Variants in COQ4 observed in about 807,000 individuals in gnomAD.
COQ4 encodes the protein coenzyme Q4, also known as ubiquinone biosynthesis protein COQ4 homolog, mitochondrial.
A neutral mutation model predicts 30.2 loss-of-function variants in COQ4; 36 were observed. That is an observed-to-expected ratio of 1.19 (90% CI 0.91 to 1.57). The LOEUF (loss-of-function observed/expected upper bound fraction) is 1.57. Ranked by LOEUF, COQ4 falls within the 40% of genes most tolerant of loss-of-function variation. The probability of loss-of-function intolerance (pLI) is 0.00; values close to 1 mark genes in which losing one functional copy is unlikely to be tolerated. For missense variants in COQ4, 369 were observed against 371.9 expected, an observed-to-expected ratio of 0.99 and a Z score of 0.07; for synonymous variants, 197 against 161.0, an observed-to-expected ratio of 1.22 and a Z score of -1.69.
intron 4 of COQ4, chr9:128,326,215 A>C (rs751325458): frequency 5.9e-6 from 3 of 506,580 alleles, no homozygotes; most frequent in Non-Finnish European, 1.0e-5. Flanking sequence ...CAGAGCAGTG[A>C]AGCAAACTTG....
rs1244528921 is a variant in COQ4 at position 128,325,778 on chromosome 9, G to A, written c.300-1G>A. 7.4e-6 allele frequency: 12 copies of A among 1,613,604 alleles called. No individual in the cohort carries two copies. The highest frequency in any genetic ancestry group is 1.0e-5 in the Non-Finnish European group (12 of 1,179,708). On this transcript the variant is annotated splice_acceptor_variant, in intron 3 of 6. Transcript: ENST00000300452. LOFTEE classifies it high-confidence loss of function. The stretch of plus-strand genomic sequence containing the variant: ...CCCAATGCCCAAGTCTTGCCTTTCA[G>A]GGAGCGTCCCCGGATTTCGACATCC...
intron 4 of COQ4, among the ~76,000 whole-genome samples, chr9:128,328,660 G>A (rs1564392267): frequency 1.3e-5 from 2 of 152,204 alleles, no homozygotes; most frequent in Non-Finnish European, 1.5e-5. Flanking sequence ...CCGAGACGAT[G>A]TTCTGTTCCT....
At chr9:128,331,002 GA>G (rs1392035614) in intron 4 of COQ4, 2 of 151,774 alleles carry the variant, frequency 1.3e-5, no homozygotes, top group Admixed American at 6.6e-5. Flanking sequence ...CACGCCCGGA[GA>G]ATTTTTTGTA....
At chr9:128,328,381 G>A (rs914248159) in intron 4 of COQ4, among the ~76,000 whole-genome samples, 8 of 152,348 alleles carry the variant, frequency 5.3e-5, no homozygotes, top group South Asian at 2.1e-4. Flanking sequence ...GCCAAATGGC[G>A]AGCCAGTCTG....
Position 128,325,820 on chromosome 9 carries a change from A to AGCTCCAGAGCCTGCCGGAAG in COQ4, c.347_366dup (p.Leu123ArgfsTer18). ...TCGACATCCACCCTCGACCTGGGCA[A>AGCTCCAGAGCCTGCCGGAAG]GCTCCAGAGCCTGCCGGAAGGCTCC... On this transcript the variant is annotated frameshift_variant, in exon 4 of 7. Coordinates refer to ENST00000300452, the MANE Select transcript of COQ4 (RefSeq NM_016035.5). LOFTEE classifies it high-confidence loss of function. 6.2e-7 allele frequency: 1 copy of AGCTCCAGAGCCTGCCGGAAG among 1,614,182 alleles called. No individual in the cohort carries two copies. The highest frequency in any genetic ancestry group is 8.5e-7 in the Non-Finnish European group (1 of 1,180,030).
chr9:128,324,393 G>T (rs1832281431), intron 2 of COQ4, among the ~76,000 whole-genome samples: 1 of 152,132 alleles, frequency 6.6e-6, no homozygotes, highest in East Asian at 1.9e-4. Flanking sequence ...CCAGTGTTGA[G>T]ATTACAGGTG....
chr9:128,327,039 T>C (rs1011182851), intron 4 of COQ4, among the ~76,000 whole-genome samples: 1 of 152,152 alleles, frequency 6.6e-6, no homozygotes, highest in African/African-American at 2.4e-5. Context: ...TGAGCCACCG[T>C]GCCCAGCCCA....
intron 6 of COQ4, 61 bp from the exon 7 acceptor site, chr9:128,333,413 G>A (rs1390162818): frequency 1.4e-5 from 20 of 1,401,306 alleles, no homozygotes; most frequent in Middle Eastern, 3.9e-4. Flanking sequence ...CACAAGTGCC[G>A]AGCAGTCGAG....
intron 4 of COQ4, among the ~76,000 whole-genome samples, chr9:128,328,070 A>G (rs1832350623): frequency 6.6e-6 from 1 of 152,238 alleles, no homozygotes; most frequent in Non-Finnish European, 1.5e-5. Flanking sequence ...GGGAATGGCA[A>G]GGGCAAAGGC....
chr9:128,322,938 G>A lies in COQ4; in HGVS notation c.70+10G>A, dbSNP rs766897693. The A allele has an allele frequency of 2.5e-6, 4 of 1,602,474 alleles. No individual in the cohort carries two copies. Among genetic ancestry groups the A allele is most frequent in the Middle Eastern group, 3.3e-4 (2 of 6,002 alleles). ...CAGCGGCCTGCGGCAGGCAAGTGGC[G>A]CCGGGTTCTGGGCGCAGGCGGGAAG... On this transcript the variant is annotated intron_variant, in intron 1 of 6. Coordinates refer to ENST00000300452, the MANE Select transcript of COQ4 (RefSeq NM_016035.5).
Position 128,332,745 on chromosome 9 carries a change from C to T in COQ4, c.533-105C>T, listed in dbSNP as rs148801745. On this transcript the variant is annotated intron_variant, in intron 5 of 6. Coordinates refer to ENST00000300452, the MANE Select transcript of COQ4 (RefSeq NM_016035.5). ...GGCCAGGACTGGGCACAGCTGACCC[C>T]GTAGAGATTAGGGAGGAACAGTGCC... The T allele has an allele frequency of 1.4e-3, 1,242 of 906,278 alleles. 3 individuals carry two copies. The highest frequency in any genetic ancestry group is 1.9e-3 in the Non-Finnish European group (1,038 of 541,134). The allele number at this position is 906,278 out of a possible 1,614,324, so 56.1% of individuals were successfully genotyped here.
chr9:128,329,108 T>G (rs1239925959), intron 4 of COQ4, among the ~76,000 whole-genome samples: 1 of 152,166 alleles, frequency 6.6e-6, no homozygotes, highest in African/African-American at 2.4e-5. Context: ...GGCTTGAGAA[T>G]TAGGAGGAGC....
At chr9:128,331,958 A>G in intron 4 of COQ4, 195 bp from the exon 5 acceptor site, 1 of 553,878 alleles carries the variant, frequency 1.8e-6, no homozygotes. Flanking sequence ...TGAACTCCTG[A>G]TCTCAGGTGA....
chr9:128,328,237 T>C (rs534420373), intron 4 of COQ4, among the ~76,000 whole-genome samples: 11 of 152,310 alleles, frequency 7.2e-5, no homozygotes, highest in Middle Eastern at 6.8e-3. Flanking sequence ...AGGAAACTTG[T>C]GGAAGGTTTT....
chr9:128,333,017 T>C, intron 6 of COQ4, 74 bp downstream of exon 6: 3 of 1,129,678 alleles, frequency 2.7e-6, no homozygotes, highest in Admixed American at 3.5e-5. Flanking sequence ...CCAGGGCTCT[T>C]AGAAGTAGGA....
rs1832239436 is a variant in COQ4 at position 128,323,074 on chromosome 9, C to A, written c.129C>A (p.Pro43=). Residue 43 remains proline (P), a synonymous_variant, in exon 2 of 7, where the codon CCC becomes CCA. Transcript: ENST00000300452. ...GCCCGCTATACTCGCACCACCTCCCCACCTCCCCGCTGCAGAAAGGGCTGT... is the reference window on the plus strand; with the variant it reads ...GCCCGCTATACTCGCACCACCTCCCAACCTCCCCGCTGCAGAAAGGGCTGT... ...GAGPLYSHHL[P]TSPLQKGLLA... 1 of 1,612,192 alleles carries A rather than the reference C, an allele frequency of 6.2e-7. No homozygotes were observed. The highest frequency in any genetic ancestry group is 2.2e-5 in the East Asian group (1 of 44,864).
chr9:128,325,822 C>T lies in COQ4; in HGVS notation c.343C>T (p.Leu115Phe), dbSNP rs1222363385. ...ISTSTLDLGK[L>F]QSLPEGSLGR... is the part of the protein sequence containing the mutation. ...GACATCCACCCTCGACCTGGGCAAGCTCCAGAGCCTGCCGGAAGGCTCCCT... is the reference window on the plus strand; with the variant it reads ...GACATCCACCCTCGACCTGGGCAAGTTCCAGAGCCTGCCGGAAGGCTCCCT... The change falls in exon 4 of 7, where the codon CTC becomes TTC. Residue 115 changes from leucine to phenylalanine, a missense_variant. Leu to Phe is a conservative substitution (Grantham distance 22). Transcript: ENST00000300452. The T allele has an allele frequency of 6.2e-7, 1 of 1,614,110 alleles. No homozygotes were observed. Among genetic ancestry groups the T allele is most frequent in the Non-Finnish European group, 8.5e-7 (1 of 1,180,048 alleles).
At position 128,325,848 on chromosome 9, in the gene COQ4, C is replaced by T. The variant is rs770985856; in HGVS notation, c.369C>T (p.Leu123=). 1.8e-5 allele frequency: 29 copies of T among 1,614,070 alleles called. No homozygotes were observed. Among genetic ancestry groups the T allele is most frequent in the South Asian group, 5.5e-5 (5 of 91,090 alleles). Residue 123 remains leucine (L), a synonymous_variant, in exon 4 of 7, where the codon CTC becomes CTT. Transcript: ENST00000300452. ...TCCAGAGCCTGCCGGAAGGCTCCCT[C>T]GGTCGCGAGTATCTCCGTTTCCTGG... ...GKLQSLPEGS[L]GREYLRFLDV... is the part of the protein sequence containing the mutation.
Position 128,332,854 on chromosome 9 carries a change from G to T in COQ4, c.537G>T (p.Glu179Asp). 2 of 1,613,276 alleles carry T rather than the reference G, an allele frequency of 1.2e-6. No individual in the cohort carries two copies. Among genetic ancestry groups the T allele is most frequent in the African/African-American group, 2.7e-5 (2 of 75,046 alleles). ...LLGMPTNILGEIVVKWFEAVQ... is the reference protein window; with the variant it reads ...LLGMPTNILGDIVVKWFEAVQ... ...CAACACATCCCTCACCCACAGGGGAGATCGTGGTGAAATGGTTTGAGGCTG... is the reference window on the plus strand; with the variant it reads ...CAACACATCCCTCACCCACAGGGGATATCGTGGTGAAATGGTTTGAGGCTG... Residue 179 changes from glutamate to aspartate, a missense_variant, in exon 6 of 7, where the codon GAG becomes GAT. Glu to Asp is a conservative substitution (Grantham distance 45). Transcript: ENST00000300452.
Sources: gnomAD v4.1 joint callset for allele counts (sites outside exome capture counted in the v4.1 genomes callset) on GRCh38, gnomAD v4.1.1 for gene constraint, MANE v1.5 for transcripts, NCBI Gene and HGNC (gene_info 2026-07-23, HGNC 2026-07-21) for gene names.